Variants in RBFOX1 observed in about 807,000 individuals in gnomAD.
The protein encoded by RBFOX1 is RNA binding fox-1 homolog 1.
A neutral mutation model predicts 57.7 loss-of-function variants in RBFOX1; 8 were observed. The ratio of observed to expected loss-of-function variants is 0.14; its 90% confidence interval spans 0.08 to 0.25. The LOEUF is 0.25. Among genes scored for constraint, RBFOX1 ranks in the 10% least tolerant of loss-of-function variants. The probability of loss-of-function intolerance (pLI) is 1.00; values close to 1 mark genes in which losing one functional copy is unlikely to be tolerated. For synonymous variants in RBFOX1, 326 were observed against 222.4 expected (o/e 1.47, Z -4.15); for missense variants, 611 against 548.5 (o/e 1.11, Z -1.14).
At chr16:5,941,018 A>T (rs909852508) in intron 4 of RBFOX1, among the ~76,000 whole-genome samples, 2 of 152,192 alleles carry the variant, frequency 1.3e-5, no homozygotes, top group Non-Finnish European at 2.9e-5. Context: ...TAACATACTT[A>T]TCTACTGGTG....
At chr16:7,570,007 C>G (rs541749554) in intron 5 of RBFOX1, among the ~76,000 whole-genome samples, 1 of 152,172 alleles carries the variant, frequency 6.6e-6, no homozygotes, top group South Asian at 2.1e-4. Context: ...TCAAGTATTT[C>G]CAATGACAAT....
chr16:6,657,111 C>T (rs1368785843), intron 3 of RBFOX1, among the ~76,000 whole-genome samples: 25 of 111,776 alleles, frequency 2.2e-4, no homozygotes, highest in African/African-American at 7.2e-4. Flanking sequence ...TCCTCTCCTC[C>T]CCTCTCCTCT....
intron 4 of RBFOX1, among the ~76,000 whole-genome samples, chr16:5,991,827 C>G (rs761323588): frequency 1.5e-4 from 23 of 151,932 alleles, no homozygotes; most frequent in Non-Finnish European, 2.8e-4. Flanking sequence ...TTAGCATGTA[C>G]CTGGTTGCAG....
intron 3 of RBFOX1, among the ~76,000 whole-genome samples, chr16:5,800,589 G>T (rs1202498524): frequency 1.3e-5 from 2 of 152,174 alleles, no homozygotes; most frequent in Non-Finnish European, 2.9e-5. Flanking sequence ...GAGGACACGG[G>T]ATGGTGAAAT....
intron 3 of RBFOX1, among the ~76,000 whole-genome samples, chr16:5,740,179 G>A (rs1397163349): frequency 6.6e-6 from 1 of 152,210 alleles, no homozygotes; most frequent in African/African-American, 2.4e-5. Flanking sequence ...TGACTGTCAT[G>A]TCTTTACCAT....
At chr16:6,197,517 C>G (rs1052146842) in intron 1 of RBFOX1, among the ~76,000 whole-genome samples, 1 of 151,822 alleles carries the variant, frequency 6.6e-6, no homozygotes, top group Non-Finnish European at 1.5e-5. Flanking sequence ...TTCCCATCAA[C>G]TAACTTCTCT....
intron 4 of RBFOX1, among the ~76,000 whole-genome samples, chr16:7,268,532 T>A (rs1054887856): frequency 1.3e-5 from 2 of 152,164 alleles, no homozygotes; most frequent in Non-Finnish European, 2.9e-5. Context: ...AATGAGGAGT[T>A]TGAATTGCCA....
chr16:6,093,239 C>T (rs1057159563), intron 1 of RBFOX1, among the ~76,000 whole-genome samples: 5 of 152,016 alleles, frequency 3.3e-5, no homozygotes, highest in East Asian at 1.9e-4. Flanking sequence ...CTAATTAAAA[C>T]GAGCAACATG....
intron 1 of RBFOX1, among the ~76,000 whole-genome samples, chr16:5,290,042 C>A (rs1202631477): frequency 6.6e-6 from 1 of 152,142 alleles, no homozygotes; most frequent in African/African-American, 2.4e-5. Context: ...ATTCAGTCAT[C>A]AAAAGGAATG....
chr16:5,454,775 TTCTTTCTTTCTTTC>T (rs1281528051), intron 1 of RBFOX1, among the ~76,000 whole-genome samples: 3 of 34,526 alleles, frequency 8.7e-5, no homozygotes, highest in African/African-American at 3.8e-4. Context: ...TTCTCTTTCT[TTCTTTCTTTCTTTC>T]TCTTTCTTTC....
intron 2 of RBFOX1, among the ~76,000 whole-genome samples, chr16:6,548,118 G>A (rs1230582463): frequency 6.6e-6 from 1 of 152,156 alleles, no homozygotes; most frequent in African/African-American, 2.4e-5. Flanking sequence ...CATACTGAAG[G>A]CTGGTTTACA....
At chr16:6,954,402 G>C (rs73545337) in intron 3 of RBFOX1, among the ~76,000 whole-genome samples, 2 of 151,824 alleles carry the variant, frequency 1.3e-5, no homozygotes, top group Non-Finnish European at 2.9e-5. Context: ...TGTGTCCCTC[G>C]TTTGCATTTA....
At chr16:6,634,965 T>C (rs1422175159) in intron 2 of RBFOX1, among the ~76,000 whole-genome samples, 1 of 141,542 alleles carries the variant, frequency 7.1e-6, no homozygotes. Context: ...AATTATTACA[T>C]ATATTATACA....
chr16:5,997,235 C>T (rs1308240812), intron 4 of RBFOX1, among the ~76,000 whole-genome samples: 1 of 152,200 alleles, frequency 6.6e-6, no homozygotes, highest in Non-Finnish European at 1.5e-5. Context: ...AGCCTCCTGC[C>T]TGGGGCACAG....
At chr16:7,089,556 G>A (rs908711473) in intron 4 of RBFOX1, among the ~76,000 whole-genome samples, 1 of 151,950 alleles carries the variant, frequency 6.6e-6, no homozygotes, top group African/African-American at 2.4e-5. Flanking sequence ...TTAGGCTGTG[G>A]TGAGTTGGTT....
At chr16:6,702,500 G>C (rs1359124180) in intron 3 of RBFOX1, among the ~76,000 whole-genome samples, 1 of 151,914 alleles carries the variant, frequency 6.6e-6, no homozygotes, top group Non-Finnish European at 1.5e-5. Context: ...GCTACAGTGA[G>C]CCAAGATTGT....
chr16:5,761,041 C>T (rs541040152), intron 3 of RBFOX1, among the ~76,000 whole-genome samples: 1 of 152,210 alleles, frequency 6.6e-6, no homozygotes, highest in African/African-American at 2.4e-5. Context: ...AGGATGGTGG[C>T]CAGTAGAAGG....
At chr16:6,126,380 A>G (rs2096589873) in intron 1 of RBFOX1, among the ~76,000 whole-genome samples, 1 of 152,208 alleles carries the variant, frequency 6.6e-6, no homozygotes, top group Admixed American at 6.5e-5. Context: ...CCATGCATTG[A>G]ATGCGCACTA....
rs572982582 is a variant in RBFOX1, at chr16:6,814,228, T to C, written c.-16+159578T>C. On this transcript the variant is annotated intron_variant, in intron 3 of 15. Transcript: ENST00000550418. ...ATAACTGTTTTCTTCTTTCATGTAA[T>C]AACACAGAGAGAAAATTGTGGTGGG... Among the ~76,000 whole-genome samples, 44 of 136,036 alleles carry C rather than the reference T, an allele frequency of 3.2e-4. 1 individual carries two copies. In the South Asian group the frequency reaches 9.9e-3, roughly 31 times the overall value. 89.2% of individuals were successfully genotyped at this position (136,036 alleles called of 152,430 possible). A position where few individuals can be genotyped will look rare whatever the true frequency, so the allele number is the denominator to read the frequency against.
Sources: allele counts gnomAD v4.1 joint callset (sites outside exome capture counted in the v4.1 genomes callset), GRCh38; gene constraint gnomAD v4.1.1; transcripts MANE v1.5; gene names NCBI Gene and HGNC (gene_info 2026-07-23, HGNC 2026-07-21).